The following NHSL2 variants were observed in gnomAD, a reference collection of about 807,000 sequenced individuals.
NHSL2 encodes the protein NHS-like protein 2.
Under a neutral mutation model 53.4 loss-of-function variants are expected in NHSL2, and 27 were observed. That is an observed-to-expected ratio of 0.51 (90% CI 0.37 to 0.70). The LOEUF (loss-of-function observed/expected upper bound fraction) is 0.70, where lower values mean the gene tolerates loss of function less well. Ranked by LOEUF, NHSL2 falls within the 30% of genes least tolerant of loss-of-function variation. The pLI is 0.00. For missense variants in NHSL2, 892 were observed against 980.1 expected (o/e 0.91, Z 1.20); for synonymous variants, 408 against 404.1 (o/e 1.01, Z -0.12).
chrX:72,035,537 T>G (rs1057440806), intron 1 of NHSL2, among the ~76,000 whole-genome samples: 1 of 111,708 alleles, frequency 9.0e-6, no homozygotes, highest in African/African-American at 3.3e-5. Context: ...TTTATTTTTA[T>G]TTTTTGACAC....
intron 1 of NHSL2, among the ~76,000 whole-genome samples, chrX:72,073,271 G>C (rs1406367826): frequency 9.0e-6 from 1 of 110,600 alleles, no homozygotes; most frequent in Non-Finnish European, 1.9e-5. Context: ...GTGGGGGCGG[G>C]GGGGAGCGGG....
chrX:71,945,639 G>A (rs2147835146), intron 1 of NHSL2, among the ~76,000 whole-genome samples: 1 of 112,134 alleles, frequency 8.9e-6, no homozygotes, highest in South Asian at 3.7e-4. Flanking sequence ...TCTCCTAAGA[G>A]TTTACTGAAG....
At position 72,140,470 on chromosome X, in the gene NHSL2, G is replaced by T; in HGVS notation, c.2922G>T (p.Glu974Asp). The T allele has an allele frequency of 8.3e-7, 1 of 1,209,557 alleles. No homozygotes were observed. The highest frequency in any genetic ancestry group is 1.1e-6 in the Non-Finnish European group (1 of 894,432). ...QQPPQGSVED[E>D]GPKVRVLPER... ...CTCCCCAGGGAAGTGTAGAGGACGA[G>T]GGCCCCAAGGTGAGGGTTCTGCCTG... The change falls in exon 6 of 8, where the codon GAG (glutamate) becomes GAT (aspartate). Residue 974 changes from glutamate to aspartate, a missense_variant. Physicochemically the swap from Glu to Asp is conservative, Grantham distance 45. Transcript: ENST00000633930.
At chrX:71,951,040 A>ACACACACAC (rs35096488) in intron 1 of NHSL2, among the ~76,000 whole-genome samples, 2 of 109,953 alleles carry the variant, frequency 1.8e-5, no homozygotes, top group African/African-American at 6.6e-5. Flanking sequence ...ACACACACAC[A>ACACACACAC]AATACCTGGC....
chrX:72,136,929 A>G (rs1010333745), intron 4 of NHSL2, among the ~76,000 whole-genome samples, 165 bp from the exon 5 acceptor site: 3 of 112,035 alleles, frequency 2.7e-5, no homozygotes, highest in Admixed American at 9.4e-5. Context: ...GAAACCCAGC[A>G]TGCATTCCCA....
Position 72,138,603 on chromosome X carries a change from C to T in NHSL2, c.1055C>T (p.Pro352Leu), listed in dbSNP as rs868256760. The T allele has an allele frequency of 2.7e-5, 31 of 1,165,265 alleles. No homozygotes were observed. Among genetic ancestry groups the T allele is most frequent in the Middle Eastern group, 4.6e-4 (2 of 4,325 alleles). Reference protein sequence around the residue: ...SPVLRTPSSEPDEPHQARSGP... With the variant: ...SPVLRTPSSELDEPHQARSGP... ...GTACTGAGAACTCCTTCCAGTGAGC[C>T]GGACGAACCTCACCAGGCACGGAGT... The change falls in exon 6 of 8, where the codon CCG (proline) becomes CTG (leucine). Residue 352 changes from proline to leucine, a missense_variant. By Grantham distance (98) the Pro-to-Leu change is moderately conservative. Transcript: ENST00000633930.
At chrX:71,931,463 C>A (rs1043444066) in intron 1 of NHSL2, among the ~76,000 whole-genome samples, 2 of 112,359 alleles carry the variant, frequency 1.8e-5, no homozygotes, top group Non-Finnish European at 3.8e-5. Context: ...TGCAAATTTA[C>A]ATGTTTACTT....
chrX:71,985,177 C>CCATGGATT (rs1473469288), intron 1 of NHSL2, among the ~76,000 whole-genome samples: 1 of 111,411 alleles, frequency 9.0e-6, no homozygotes, highest in African/African-American at 3.3e-5. Flanking sequence ...CCGAGCCCAG[C>CCATGGATT]CATGGATTTG....
At chrX:72,003,337 C>T (rs766853805) in intron 1 of NHSL2, among the ~76,000 whole-genome samples, 14 of 111,531 alleles carry the variant, frequency 1.3e-4, no homozygotes, top group Non-Finnish European at 2.6e-4. Context: ...CTTTGCTACC[C>T]TATCCCTTCC....
In NHSL2 at chrX:72,117,818, TTTTA is replaced by T. The variant is rs779724895; in HGVS notation, c.281-14223_281-14220del. On this transcript the variant is annotated intron_variant, in intron 1 of 7. Coordinates refer to ENST00000633930, the MANE Select transcript of NHSL2 (RefSeq NM_001013627.3). Reference sequence around the variant, plus strand: ...ATTCCATTGTATGGATAGACCACATTTTTATTTATTTATTTATTTATTTATTTAT... The same window carrying T: ...ATTCCATTGTATGGATAGACCACATTTTTATTTATTTATTTATTTATTTAT... 5.9e-3 allele frequency among the ~76,000 whole-genome samples: 559 copies of T among 95,489 alleles called. 2 individuals carry two copies. Among genetic ancestry groups the T allele is most frequent in the South Asian group, 8.0e-3 (16 of 1,991 alleles). The allele number at this position is 95,489 out of a possible 115,157, so 82.9% of individuals were successfully genotyped here. A position where few individuals can be genotyped will look rare whatever the true frequency, so the allele number is the denominator to read the frequency against.
At chrX:72,046,114 C>T (rs2042304289) in intron 1 of NHSL2, among the ~76,000 whole-genome samples, 2 of 112,327 alleles carry the variant, frequency 1.8e-5, no homozygotes, top group Non-Finnish European at 3.8e-5. Context: ...TTGCTAAGCA[C>T]TTTCATTGGT....
In NHSL2 at chrX:72,143,585, C is replaced by T; in HGVS notation, c.*11C>T. 1 of 1,087,682 alleles carries T rather than the reference C, an allele frequency of 9.2e-7. No individual in the cohort carries two copies. The highest frequency in any genetic ancestry group is 2.2e-5 in the South Asian group (1 of 46,323). 89.6% of individuals were successfully genotyped at this position (1,087,682 alleles called of 1,213,427 possible). A position where few individuals can be genotyped will look rare whatever the true frequency, so the allele number is the denominator to read the frequency against. The stretch of plus-strand genomic sequence containing the variant: ...AACCCCAGTACCTAAGCCCTGGGCT[C>T]AACAAGCAGGGTTTACTTACTAAAC... On this transcript the variant is annotated 3_prime_UTR_variant, in exon 8 of 8. Transcript: ENST00000633930.
intron 1 of NHSL2, among the ~76,000 whole-genome samples, chrX:72,066,053 C>G (rs1233857086): frequency 9.0e-6 from 1 of 111,657 alleles, no homozygotes; most frequent in Non-Finnish European, 1.9e-5. Flanking sequence ...TTTGTAAAAG[C>G]TCACTCTGGC....
chrX:71,919,520 G>A (rs2041646323), intron 1 of NHSL2, among the ~76,000 whole-genome samples: 1 of 111,866 alleles, frequency 8.9e-6, no homozygotes, highest in African/African-American at 3.3e-5. Flanking sequence ...GCTATGAATT[G>A]CAGCCATTCT....
chrX:72,044,047 G>A (rs1008638525), intron 1 of NHSL2, among the ~76,000 whole-genome samples: 2 of 111,853 alleles, frequency 1.8e-5, no homozygotes, highest in Admixed American at 9.5e-5. Context: ...TTGAGAGGAC[G>A]GTGGGGAGTT....
chrX:72,135,836 ACCAGCTTGGGCAACATGGTGAAACC>A (rs1248826532), intron 4 of NHSL2, among the ~76,000 whole-genome samples: 1 of 111,533 alleles, frequency 9.0e-6, no homozygotes, highest in African/African-American at 3.3e-5. Context: ...GGAATTCAAG[ACCAGCTTGGGCAACATGGTGAAACC>A]CCATCTCTAC....
At chrX:72,068,625 A>G (rs1194014367) in intron 1 of NHSL2, among the ~76,000 whole-genome samples, 1 of 109,839 alleles carries the variant, frequency 9.1e-6, no homozygotes, top group Admixed American at 9.8e-5. Context: ...CAGCACTCAC[A>G]GTGAGCGGCT....
At chrX:71,972,829 C>T (rs892441183) in intron 1 of NHSL2, among the ~76,000 whole-genome samples, 5 of 105,911 alleles carry the variant, frequency 4.7e-5, no homozygotes, top group Non-Finnish European at 9.7e-5. Flanking sequence ...TGTTGTTGTT[C>T]TTCAGACTGA....
chrX:71,949,863 G>A (rs1183969661), intron 1 of NHSL2, among the ~76,000 whole-genome samples: 1 of 112,914 alleles, frequency 8.9e-6, no homozygotes, highest in African/African-American at 3.2e-5. Context: ...GAGTGGCAGT[G>A]GGGTAGAGGC....
Sources: allele counts gnomAD v4.1 joint callset (sites outside exome capture counted in the v4.1 genomes callset), GRCh38; gene constraint gnomAD v4.1.1; transcripts MANE v1.5; gene names NCBI Gene and HGNC (gene_info 2026-07-23, HGNC 2026-07-21).